SPG7: variants seen among roughly 807,000 people sequenced by gnomAD.
SPG7 encodes SPG7 matrix AAA peptidase subunit, paraplegin.
In SPG7, 103 loss-of-function variants were observed where a neutral mutation model predicts 81.9. That is an observed-to-expected ratio of 1.26 (90% CI 1.07 to 1.48). The LOEUF is 1.48. SPG7 is among the 40% of genes most tolerant of loss of function. The pLI, the probability that SPG7 is intolerant of heterozygous loss-of-function variation, is 0.00. For synonymous variants in SPG7, 534 were observed against 444.2 expected (o/e 1.20, Z -2.54); for missense variants, 1,241 against 1,087.3 (o/e 1.14, Z -1.99).
intron 1 of SPG7, among the ~76,000 whole-genome samples, chr16:89,509,760 A>T (rs1355181723): frequency 6.7e-6 from 1 of 150,266 alleles, no homozygotes; most frequent in Non-Finnish European, 1.5e-5. Context: ...GATAGCAGCC[A>T]ATGTACTTCT....
intron 2 of SPG7, 43 bp from the exon 3 acceptor site, chr16:89,512,905 G>T: frequency 6.2e-7 from 1 of 1,607,724 alleles, no homozygotes; most frequent in Non-Finnish European, 8.5e-7. Context: ...CTCCCCTGTG[G>T]TTGCAAAACT....
intron 16 of SPG7, 26 bp downstream of exon 16, chr16:89,554,589 C>T: frequency 4.5e-6 from 7 of 1,551,460 alleles, no homozygotes; most frequent in Non-Finnish European, 5.3e-6. Context: ...GGCGTGGGGG[C>T]TACGGCGTCA....
At chr16:89,512,418 C>T (rs941176949) in intron 2 of SPG7, among the ~76,000 whole-genome samples, 1 of 151,554 alleles carries the variant, frequency 6.6e-6, no homozygotes, top group Non-Finnish European at 1.5e-5. Flanking sequence ...CGGGTTCAAG[C>T]AATTCTGCCT....
intron 12 of SPG7, chr16:89,549,147 CT>C: frequency 2.2e-6 from 1 of 456,684 alleles, no homozygotes; most frequent in Non-Finnish European, 4.4e-6. Context: ...TAACCATTTA[CT>C]TTTATGTGGA....
intron 4 of SPG7, among the ~76,000 whole-genome samples, 189 bp from the exon 5 acceptor site, chr16:89,526,140 C>T (rs1034776567): frequency 6.6e-6 from 1 of 152,080 alleles, no homozygotes; most frequent in Non-Finnish European, 1.5e-5. Flanking sequence ...GCTTTTACAC[C>T]ATTGTAAAAT....
At chr16:89,536,408 C>T (rs2058417250) in intron 9 of SPG7, among the ~76,000 whole-genome samples, 1 of 151,626 alleles carries the variant, frequency 6.6e-6, no homozygotes, top group African/African-American at 2.4e-5. Context: ...TTGAGGAAAT[C>T]TGCAGAGCAC....
chr16:89,535,484 C>T (rs1240488697), intron 9 of SPG7, among the ~76,000 whole-genome samples: 2 of 152,202 alleles, frequency 1.3e-5, no homozygotes, highest in Non-Finnish European at 1.5e-5. Flanking sequence ...CCCCGTGTCT[C>T]CAGTCGTCTC....
At chr16:89,544,142 T>G (rs1057187656) in intron 9 of SPG7, 4 of 216,406 alleles carry the variant, frequency 1.8e-5, no homozygotes, top group Non-Finnish European at 3.8e-5. Context: ...AAGGTTCACA[T>G]ACACCAGGGA....
intron 10 of SPG7, 38 bp from the exon 11 acceptor site, chr16:89,546,620 C>G: frequency 1.4e-6 from 2 of 1,394,282 alleles, no homozygotes; most frequent in Non-Finnish European, 1.0e-6. Context: ...AGTAACTAGG[C>G]TTGAGCCCGA....
intron 9 of SPG7, among the ~76,000 whole-genome samples, chr16:89,535,877 C>CCGCTCTGGTGCTGTGTGGCCTTCAG (rs2058408257): frequency 8.5e-5 from 6 of 70,522 alleles, no homozygotes; most frequent in Non-Finnish European, 1.5e-4. Flanking sequence ...GTGGCCTTCA[C>CCGCTCTGGTGCTGTGTGGCCTTCAG]TGTGGCCTCT....
intron 7 of SPG7, chr16:89,531,078 G>T (rs2058335431): frequency 5.4e-6 from 3 of 556,334 alleles, no homozygotes; most frequent in South Asian, 2.0e-5. Context: ...CCCTTGCAAA[G>T]CTCTGTGCTT....
At chr16:89,534,618 G>C (rs967780688) in intron 9 of SPG7, among the ~76,000 whole-genome samples, 4 of 152,280 alleles carry the variant, frequency 2.6e-5, no homozygotes, top group African/African-American at 9.6e-5. Context: ...AGTCGTGTGT[G>C]TTAGCACACA....
chr16:89,510,221 C>T (rs1016642508), intron 1 of SPG7, among the ~76,000 whole-genome samples: 14 of 151,882 alleles, frequency 9.2e-5, no homozygotes, highest in Admixed American at 1.3e-4. Flanking sequence ...GTGATCCACC[C>T]GCCTCAGCCT....
At chr16:89,555,639 T>G in intron 16 of SPG7, 1 of 372,454 alleles carries the variant, frequency 2.7e-6, no homozygotes. Context: ...CCTCCCTTGT[T>G]TTGAGGGCTC....
Position 89,528,397 on chromosome 16 carries a change from A to C in SPG7, c.759-1080A>C, listed in dbSNP as rs76992527. Among the ~76,000 whole-genome samples the C allele has an allele frequency of 2.9e-5, 4 of 139,118 alleles. No homozygotes were observed. The East Asian group carries it at 8.9e-4, about 31-fold the overall frequency. 91.3% of individuals were successfully genotyped at this position (139,118 alleles called of 152,430 possible). ...ACAGAGCCAGACTCCATCTCAAACA[A>C]AAAAAAAAAAAAAAGAAGAAGATGG... On this transcript the variant is annotated intron_variant, in intron 5 of 16. Transcript: ENST00000645818.
At chr16:89,542,951 T>TG (rs1484517482) in intron 9 of SPG7, 1 of 144,074 alleles carries the variant, frequency 6.9e-6, no homozygotes, top group Admixed American at 6.9e-5. Context: ...CTTTTTTTTT[T>TG]TTTTTTTTTT....
At chr16:89,534,711 G>A (rs1179039614) in intron 9 of SPG7, among the ~76,000 whole-genome samples, 1 of 152,218 alleles carries the variant, frequency 6.6e-6, no homozygotes, top group Non-Finnish European at 1.5e-5. Context: ...TTACAGAAGC[G>A]TTGCCACGGT....
chr16:89,513,021 G>C lies in SPG7; in HGVS notation c.360G>C (p.Ala120=), dbSNP rs376376359. The change falls in exon 3 of 17, where the codon GCG becomes GCC. Residue 120 remains alanine, a synonymous_variant. Coordinates refer to ENST00000645818, the MANE Select transcript of SPG7 (RefSeq NM_003119.4). ...NKEKDKSKGK[A]PEEDEEERRR... is the part of the protein sequence containing the mutation. ...AGAAGGATAAGTCGAAGGGGAAGGC[G>C]CCTGAAGAGGACGAAGGTATATTCA... 43 of 1,611,228 alleles carry C rather than the reference G, an allele frequency of 2.7e-5. No homozygotes were observed. The East Asian group carries it at 8.9e-4, about 33-fold the overall frequency.
intron 16 of SPG7, chr16:89,556,210 G>T (rs2058686436): frequency 2.5e-6 from 1 of 399,228 alleles, no homozygotes; most frequent in African/African-American, 2.1e-5. Flanking sequence ...GGAAGTGTTT[G>T]TCTCTTGCAA....
Sources: allele counts gnomAD v4.1 joint callset (sites outside exome capture counted in the v4.1 genomes callset), GRCh38; gene constraint gnomAD v4.1.1; transcripts MANE v1.5; gene names NCBI Gene and HGNC (gene_info 2026-07-23, HGNC 2026-07-21).